Variants in PRKN observed in about 807,000 individuals in gnomAD.
The protein encoded by PRKN is parkin RBR E3 ubiquitin protein ligase, also known as E3 ubiquitin-protein ligase parkin.
In PRKN, 56 loss-of-function variants were observed where a neutral mutation model predicts 59.5. That is an observed-to-expected ratio of 0.94 (90% CI 0.76 to 1.18). The LOEUF (loss-of-function observed/expected upper bound fraction) is 1.18, where lower values mean the gene tolerates loss of function less well. Among genes scored for constraint, PRKN ranks in the 50% most tolerant of loss-of-function variants. The pLI is 0.00. For synonymous variants in PRKN, 250 were observed against 222.1 expected, an observed-to-expected ratio of 1.13 and a Z score of -1.12; for missense variants, 657 against 596.4, an observed-to-expected ratio of 1.10 and a Z score of -1.06.
rs1376607766 is a variant in PRKN, at chr6:161,359,413, T to C, written c.1285+675A>G. Among the ~76,000 whole-genome samples, 2 of 152,226 alleles carry C rather than the reference T, an allele frequency of 1.3e-5. No individual in the cohort carries two copies. Among genetic ancestry groups the C allele is most frequent in the African/African-American group, 4.8e-5 (2 of 41,466 alleles). On this transcript the variant is annotated intron_variant, in intron 11 of 11. Coordinates refer to ENST00000366898, the MANE Select transcript of PRKN (RefSeq NM_004562.3). The surrounding 1 kb of genome is among the most constrained non-coding windows in gnomAD (Gnocchi z 5.4). ...AACCTGCCAGCCAGGGCGTAGCTGA[T>C]GCTCATTAAGGAGAAGCTGGGAGAG...
intron 5 of PRKN, among the ~76,000 whole-genome samples, chr6:161,975,648 C>T (rs75964186): frequency 0.011 from 1,698 of 152,148 alleles, 24 homozygotes; most frequent in African/African-American, 0.038. Flanking sequence ...AACCAGAGAT[C>T]GCTGAACCCA....
At chr6:161,883,261 G>A (rs185716157) in intron 6 of PRKN, among the ~76,000 whole-genome samples, 131 of 152,092 alleles carry the variant, frequency 8.6e-4, no homozygotes, top group Admixed American at 1.2e-3. Flanking sequence ...TAGCACTTTG[G>A]GAGGCCAAGG....
chr6:161,718,584 C>G (rs1016202209), intron 7 of PRKN, among the ~76,000 whole-genome samples: 6 of 134,160 alleles, frequency 4.5e-5, no homozygotes, highest in African/African-American at 1.9e-4. Flanking sequence ...TTCTCAGGGT[C>G]ATTCTCATTC....
intron 5 of PRKN, among the ~76,000 whole-genome samples, chr6:162,000,094 C>T (rs1447231203): frequency 6.6e-6 from 1 of 152,040 alleles, no homozygotes; most frequent in Non-Finnish European, 1.5e-5. Context: ...TGAATAAAGT[C>T]GCTATAAATA....
At chr6:161,865,596 T>G (rs1347589677) in intron 6 of PRKN, among the ~76,000 whole-genome samples, 1 of 152,232 alleles carries the variant, frequency 6.6e-6, no homozygotes, top group Non-Finnish European at 1.5e-5. Context: ...TTTCATACGA[T>G]GTAGACGGCT....
chr6:162,580,037 A>G (rs533318742), intron 1 of PRKN, among the ~76,000 whole-genome samples: 28 of 152,322 alleles, frequency 1.8e-4, no homozygotes, highest in African/African-American at 6.5e-4. Flanking sequence ...AACTCCTTTT[A>G]AGATCCAGTC....
At chr6:161,894,937 A>T (rs1777556569) in intron 6 of PRKN, among the ~76,000 whole-genome samples, 1 of 152,222 alleles carries the variant, frequency 6.6e-6, no homozygotes, top group Non-Finnish European at 1.5e-5. Flanking sequence ...AAGATGGAAA[A>T]TTTGAAGCAC....
At chr6:161,868,910 G>A (rs938142888) in intron 6 of PRKN, among the ~76,000 whole-genome samples, 22 of 152,194 alleles carry the variant, frequency 1.4e-4, no homozygotes, top group Non-Finnish European at 3.1e-4. Flanking sequence ...CTGGTGTGTT[G>A]TATTTTATAG....
intron 6 of PRKN, among the ~76,000 whole-genome samples, chr6:161,864,169 T>C (rs1457256034): frequency 1.3e-5 from 2 of 152,158 alleles, no homozygotes; most frequent in Admixed American, 6.5e-5. Flanking sequence ...CATATGGTGC[T>C]ATTTGATTAT....
chr6:161,777,250 T>C (rs1487065215), intron 7 of PRKN, among the ~76,000 whole-genome samples: 1 of 152,182 alleles, frequency 6.6e-6, no homozygotes, highest in Non-Finnish European at 1.5e-5. Context: ...CGTTTTTGAA[T>C]TTTAGGGAAA....
chr6:162,610,689 A>G (rs1473526493), intron 1 of PRKN, among the ~76,000 whole-genome samples: 1 of 152,086 alleles, frequency 6.6e-6, no homozygotes, highest in East Asian at 1.9e-4. Flanking sequence ...AATAATAGTA[A>G]ATTTTCAAAA....
intron 5 of PRKN, among the ~76,000 whole-genome samples, chr6:162,023,269 C>T (rs951329962): frequency 6.6e-6 from 1 of 152,112 alleles, no homozygotes; most frequent in Admixed American, 6.6e-5. Flanking sequence ...TGTTAATCAA[C>T]TCAATTAGAG....
chr6:162,025,032 T>C (rs1024395149), intron 5 of PRKN, among the ~76,000 whole-genome samples: 16 of 150,282 alleles, frequency 1.1e-4, no homozygotes, highest in Non-Finnish European at 2.4e-4. Context: ...TTTTTTTTTT[T>C]TGAGACGGAG....
At chr6:162,614,274 T>C (rs916955932) in intron 1 of PRKN, among the ~76,000 whole-genome samples, 8 of 152,052 alleles carry the variant, frequency 5.3e-5, no homozygotes, top group African/African-American at 1.9e-4. Flanking sequence ...GAGATGGCGG[T>C]GGCAATGGCA....
rs928456686 is a variant in PRKN, at chr6:161,529,203, C to T, written c.1083+19651G>A. Among the ~76,000 whole-genome samples, 7 of 152,210 alleles carry T rather than the reference C, an allele frequency of 4.6e-5. No homozygotes were observed. The South Asian group carries it at 6.2e-4, about 14-fold the overall frequency. ...TATTGAAAGGCAAGAGTCTCATCTTCGAATATCTGATTTGATGAGTGATTG... is the reference window on the plus strand; with the variant it reads ...TATTGAAAGGCAAGAGTCTCATCTTTGAATATCTGATTTGATGAGTGATTG... On this transcript the variant is annotated intron_variant, in intron 9 of 11. Transcript: ENST00000366898. This position sits in a 1 kb window ranked among gnomAD's most constrained non-coding sequence, Gnocchi z 4.4.
intron 2 of PRKN, among the ~76,000 whole-genome samples, chr6:162,312,134 T>A (rs766333001): frequency 1.3e-5 from 2 of 152,104 alleles, no homozygotes; most frequent in Non-Finnish European, 2.9e-5. Flanking sequence ...TTATTTAAGA[T>A]AACAAATGGG....
At chr6:162,240,220 A>C (rs905644472) in intron 3 of PRKN, among the ~76,000 whole-genome samples, 3 of 152,170 alleles carry the variant, frequency 2.0e-5, no homozygotes, top group Non-Finnish European at 4.4e-5. Context: ...AACAATTAAA[A>C]ATTTTTTAAA....
intron 3 of PRKN, among the ~76,000 whole-genome samples, chr6:162,215,805 G>A (rs1777620877): frequency 6.6e-6 from 1 of 152,140 alleles, no homozygotes; most frequent in Non-Finnish European, 1.5e-5. Context: ...CAGCACTTTG[G>A]GAGGGCAAGG....
chr6:161,515,891 A>G (rs1306089652), intron 9 of PRKN, among the ~76,000 whole-genome samples: 2 of 152,250 alleles, frequency 1.3e-5, no homozygotes, highest in Non-Finnish European at 1.5e-5. Flanking sequence ...CTTTTCACAC[A>G]TGCACTGAAA....
Sources: allele counts gnomAD v4.1 joint callset (sites outside exome capture counted in the v4.1 genomes callset), GRCh38; gene constraint gnomAD v4.1.1; non-coding constraint Gnocchi (gnomAD v3.1); transcripts MANE v1.5; gene names NCBI Gene and HGNC (gene_info 2026-07-23, HGNC 2026-07-21).